The following TRPM7 variants were observed in gnomAD, a reference collection of about 807,000 sequenced individuals.
TRPM7 encodes the protein LTRPC ion channel family member 7.
A neutral mutation model predicts 229.7 loss-of-function variants in TRPM7; 134 were observed. The observed-to-expected ratio is 0.58, with a 90% CI of 0.51 to 0.67. The LOEUF (loss-of-function observed/expected upper bound fraction) is 0.67. Ranked by LOEUF, TRPM7 falls within the 30% of genes least tolerant of loss-of-function variation. TRPM7 has a pLI of 0.00. For synonymous variants in TRPM7, 699 were observed against 715.2 expected (o/e 0.98, Z 0.36); for missense variants, 1,901 against 2,210.0 (o/e 0.86, Z 2.80).
Position 50,626,702 on chromosome 15 carries a change from GATTAAC to G in TRPM7, c.1305+1441_1305+1446del, listed in dbSNP as rs1403659886. On this transcript the variant is annotated intron_variant, in intron 11 of 38. Transcript: ENST00000646667. ...GTTGGTTATAGTCATCACCACAGAT[GATTAAC>G]ATTAATTTTTTTCCTCTGTAGTCCT... Among the ~76,000 whole-genome samples the G allele has an allele frequency of 6.6e-5, 10 of 151,884 alleles. No individual in the cohort carries two copies. The South Asian group carries it at 1.5e-3, about 22-fold the overall frequency.
chr15:50,685,817 G>T (rs1331517954), intron 1 of TRPM7, among the ~76,000 whole-genome samples: 1 of 152,098 alleles, frequency 6.6e-6, no homozygotes, highest in South Asian at 2.1e-4. Flanking sequence ...TTTAAAACAC[G>T]ATCAACTGTT....
At chr15:50,601,726 T>C (rs2059786575) in intron 21 of TRPM7, among the ~76,000 whole-genome samples, 1 of 152,116 alleles carries the variant, frequency 6.6e-6, no homozygotes, top group Non-Finnish European at 1.5e-5. Context: ...GTTTAGCATT[T>C]ACCATATAAT....
intron 27 of TRPM7, among the ~76,000 whole-genome samples, chr15:50,588,934 A>T (rs933431745): frequency 6.6e-6 from 1 of 152,214 alleles, no homozygotes; most frequent in African/African-American, 2.4e-5. Context: ...TCTAAGAGTC[A>T]GGGTCATGTT....
In TRPM7 at chr15:50,612,912, TTTACA is replaced by T. The variant is rs1567008863; in HGVS notation, c.1771-88_1771-84del. ...TCAGTGAAAATTTTAGTAAAATATC[TTTACA>T]TTATTCAGCTCCATAAAACTGCACA... On this transcript the variant is annotated intron_variant, in intron 15 of 38. Coordinates refer to ENST00000646667, the MANE Select transcript of TRPM7 (RefSeq NM_017672.6). 7 of 1,246,492 alleles carry T rather than the reference TTTACA, an allele frequency of 5.6e-6. No homozygotes were observed. In the East Asian group the frequency reaches 1.2e-4, roughly 21 times the overall value. The allele number at this position is 1,246,492 out of a possible 1,614,324, so 77.2% of individuals were successfully genotyped here.
chr15:50,632,120 C>G (rs961944727), intron 9 of TRPM7, among the ~76,000 whole-genome samples: 1 of 151,908 alleles, frequency 6.6e-6, no homozygotes. Context: ...CTGGCCAACA[C>G]AGTGAAACAC....
At chr15:50,575,208 G>A in intron 33 of TRPM7, 73 bp from the exon 34 acceptor site, 1 of 1,347,434 alleles carries the variant, frequency 7.4e-7, no homozygotes, top group South Asian at 1.5e-5. Context: ...ATAAAAATTA[G>A]CAGGCATCTT....
rs1223333293 is a variant in TRPM7 at position 50,628,129 on chromosome 15, T to C, written c.1305+20A>G. 1 of 1,512,344 alleles carries C rather than the reference T, an allele frequency of 6.6e-7. No homozygotes were observed. 93.7% of individuals were successfully genotyped at this position (1,512,344 alleles called of 1,614,324 possible). A position where few individuals can be genotyped will look rare whatever the true frequency, so the allele number is the denominator to read the frequency against. On this transcript the variant is annotated intron_variant, in intron 11 of 38. Coordinates refer to ENST00000646667, the MANE Select transcript of TRPM7 (RefSeq NM_017672.6). ...CTTAGTGTAATTTAATTGTATTGTG[T>C]ATGTAGATTATTTACATACCAGCCA...
intron 2 of TRPM7, 32 bp downstream of exon 2, chr15:50,662,935 G>T (rs1305892473): frequency 1.3e-6 from 2 of 1,491,230 alleles, no homozygotes; most frequent in Non-Finnish European, 1.8e-6. Context: ...AAAATTTCTA[G>T]AAGACCCCAG....
chr15:50,656,493 G>C (rs746946271), intron 3 of TRPM7, among the ~76,000 whole-genome samples: 1 of 147,702 alleles, frequency 6.8e-6, no homozygotes, highest in Non-Finnish European at 1.5e-5. Context: ...TTTTGTGTGT[G>C]GTTTTCTTTT....
At chr15:50,623,680 T>A (rs995118538) in intron 12 of TRPM7, among the ~76,000 whole-genome samples, 3 of 151,336 alleles carry the variant, frequency 2.0e-5, no homozygotes, top group Non-Finnish European at 4.4e-5. Flanking sequence ...TGGAATAAAA[T>A]GTGAAAGTCT....
chr15:50,655,577 G>GA (rs377164118), intron 3 of TRPM7, among the ~76,000 whole-genome samples: 32 of 148,504 alleles, frequency 2.2e-4, no homozygotes, highest in African/African-American at 6.9e-4. Context: ...CAAAGGAATA[G>GA]AAAAAAAAAA....
chr15:50,673,468 T>C (rs1373600540), intron 1 of TRPM7, among the ~76,000 whole-genome samples: 4 of 152,188 alleles, frequency 2.6e-5, no homozygotes, highest in South Asian at 4.1e-4. Context: ...GTCATTCTTA[T>C]GCCTTTGCGT....
intron 13 of TRPM7, among the ~76,000 whole-genome samples, chr15:50,615,460 T>A (rs960989313): frequency 1.3e-5 from 2 of 152,160 alleles, no homozygotes; most frequent in Non-Finnish European, 2.9e-5. Flanking sequence ...ACATACACCA[T>A]TTGTGAGTTT....
In TRPM7 at chr15:50,609,879, G is replaced by A. The variant is rs763249652; in HGVS notation, c.2363C>T (p.Ser788Phe). Residue 788 changes from serine (S) to phenylalanine (F), a missense_variant, in exon 18 of 39, where the codon TCT becomes TTT. Physicochemically the swap from Ser to Phe is radical, Grantham distance 155 (BLOSUM62 -2). Around this residue, in one of 8 missense-constraint regions of TRPM7, gnomAD observed 207 missense variants for 241.5 expected, o/e 0.86. Coordinates refer to ENST00000646667, the MANE Select transcript of TRPM7 (RefSeq NM_017672.6). ...TKAEMSHIPQ[S>F]QDAHQMTMDD... ...CATTGTCATCTGATGAGCATCTTGA[G>A]ATTGTGGGATATGGGACATTTCAGC... 6.2e-6 allele frequency: 10 copies of A among 1,613,114 alleles called. No individual in the cohort carries two copies. Among genetic ancestry groups the A allele is most frequent in the African/African-American group, 1.3e-5 (1 of 74,884 alleles).
intron 29 of TRPM7, among the ~76,000 whole-genome samples, chr15:50,582,149 C>A (rs895603244): frequency 2.0e-5 from 3 of 152,094 alleles, no homozygotes; most frequent in African/African-American, 7.2e-5. Flanking sequence ...TTAGTAGAGA[C>A]AGGGTTTTGT....
rs144715170 is a variant in TRPM7 at position 50,564,608 on chromosome 15, T to C, written c.5468-2800A>G. ...AACATGCAGGTTTGTTATATAGGTATATGTGTGTCATGGCGTAAACCCTTA... is the reference window on the plus strand; with the variant it reads ...AACATGCAGGTTTGTTATATAGGTACATGTGTGTCATGGCGTAAACCCTTA... On this transcript the variant is annotated intron_variant, in intron 38 of 38. Transcript: ENST00000646667. 1.7e-3 allele frequency among the ~76,000 whole-genome samples: 254 copies of C among 152,182 alleles called. 1 individual carries two copies. The highest frequency in any genetic ancestry group is 5.6e-3 in the African/African-American group (232 of 41,552).
intron 16 of TRPM7, among the ~76,000 whole-genome samples, chr15:50,611,632 G>T (rs2060064784): frequency 6.6e-6 from 1 of 152,186 alleles, no homozygotes; most frequent in African/African-American, 2.4e-5. Flanking sequence ...GTTCAAAAAA[G>T]TTTATGTAGT....
intron 10 of TRPM7, among the ~76,000 whole-genome samples, chr15:50,631,056 G>A (rs940497964): frequency 1.4e-4 from 21 of 152,020 alleles, no homozygotes; most frequent in African/African-American, 4.8e-4. Context: ...TTGAACTCCT[G>A]GCCTCAAGTG....
intron 22 of TRPM7, among the ~76,000 whole-genome samples, chr15:50,598,049 C>A (rs540841097): frequency 1.3e-5 from 2 of 152,094 alleles, no homozygotes; most frequent in Admixed American, 6.6e-5. Flanking sequence ...CAAATAATGA[C>A]CACAAATTTT....
Sources: gnomAD v4.1 joint callset for allele counts (sites outside exome capture counted in the v4.1 genomes callset) on GRCh38, gnomAD v4.1.1 for gene constraint, gnomAD v4.1.1 regional missense constraint, MANE v1.5 for transcripts, NCBI Gene and HGNC (gene_info 2026-07-23, HGNC 2026-07-21) for gene names.